ADAM22: variants seen among roughly 807,000 people sequenced by gnomAD.
ADAM22 encodes disintegrin and metalloproteinase domain-containing protein 22.
In ADAM22, 65 loss-of-function variants were observed where a neutral mutation model predicts 144.6. The ratio of observed to expected loss-of-function variants is 0.45; its 90% CI spans 0.37 to 0.55. ADAM22 has a LOEUF of 0.55. Ranked by LOEUF, ADAM22 falls within the 20% of genes least tolerant of loss-of-function variation. The probability of loss-of-function intolerance (pLI) is 0.00; values close to 1 mark genes in which losing one functional copy is unlikely to be tolerated. For missense variants in ADAM22, 974 were observed against 1,184.9 expected, an observed-to-expected ratio of 0.82 and a Z score of 2.61; for synonymous variants, 391 against 412.6, an observed-to-expected ratio of 0.95 and a Z score of 0.63.
intron 3 of ADAM22, among the ~76,000 whole-genome samples, chr7:88,015,270 T>C (rs1198057086): frequency 6.6e-6 from 1 of 152,208 alleles, no homozygotes; most frequent in Non-Finnish European, 1.5e-5. Flanking sequence ...TTAATAAATA[T>C]TAATTATGAA....
chr7:88,080,773 A>G (rs1816312961), intron 4 of ADAM22, among the ~76,000 whole-genome samples: 1 of 152,204 alleles, frequency 6.6e-6, no homozygotes, highest in South Asian at 2.1e-4. Context: ...TCCTTGACAC[A>G]TACACTCTCC....
At chr7:88,178,023 C>A (rs1846099130) in intron 26 of ADAM22, among the ~76,000 whole-genome samples, 1 of 152,044 alleles carries the variant, frequency 6.6e-6, no homozygotes, top group South Asian at 2.1e-4. Flanking sequence ...TGACAAATGA[C>A]CAGATTAGCT....
chr7:88,047,410 ATCTTT>A (rs1804959508), intron 3 of ADAM22, among the ~76,000 whole-genome samples: 1 of 152,132 alleles, frequency 6.6e-6, no homozygotes, highest in Non-Finnish European at 1.5e-5. Flanking sequence ...ATTCACCAAG[ATCTTT>A]TCTTTTCATG....
chr7:88,038,451 C>CTTTTTTTTTT (rs11344988), intron 3 of ADAM22, among the ~76,000 whole-genome samples: 1 of 139,628 alleles, frequency 7.2e-6, no homozygotes, highest in Non-Finnish European at 1.6e-5. Context: ...CTCTGCTATT[C>CTTTTTTTTTT]TTTTTTTTTT....
intron 3 of ADAM22, among the ~76,000 whole-genome samples, chr7:87,984,577 C>G (rs1854489184): frequency 6.6e-6 from 1 of 152,194 alleles, no homozygotes; most frequent in African/African-American, 2.4e-5. Flanking sequence ...CCATATTTAT[C>G]TATGTGTGCT....
chr7:87,935,257 G>T, intron 2 of ADAM22, 71 bp downstream of exon 2: 1 of 1,455,702 alleles, frequency 6.9e-7, no homozygotes, highest in Non-Finnish European at 9.1e-7. Context: ...ATTGCGCTCG[G>T]TTGCCCTGGA....
intron 4 of ADAM22, among the ~76,000 whole-genome samples, chr7:88,107,099 T>G (rs1158183926): frequency 6.6e-6 from 1 of 151,850 alleles, no homozygotes; most frequent in Non-Finnish European, 1.5e-5. Flanking sequence ...AAGCATTTCC[T>G]CCATCAATAT....
intron 26 of ADAM22, among the ~76,000 whole-genome samples, chr7:88,176,163 T>C (rs903251096): frequency 2.6e-5 from 4 of 152,026 alleles, no homozygotes; most frequent in African/African-American, 9.7e-5. Flanking sequence ...TTAGTAGAGA[T>C]GGGGTTTCAC....
At chr7:88,136,881 G>A (rs1403462506) in intron 14 of ADAM22, among the ~76,000 whole-genome samples, 3 of 151,870 alleles carry the variant, frequency 2.0e-5, no homozygotes, top group Non-Finnish European at 2.9e-5. Context: ...TTTAAACTAG[G>A]ACAATAATGA....
chr7:88,015,338 ATAAT>A (rs1290044608), intron 3 of ADAM22, among the ~76,000 whole-genome samples: 3 of 152,216 alleles, frequency 2.0e-5, no homozygotes, highest in Non-Finnish European at 4.4e-5. Context: ...AAATGCTTAA[ATAAT>A]TACCCCACTT....
chr7:88,106,490 T>C (rs1824423582), intron 4 of ADAM22, among the ~76,000 whole-genome samples: 2 of 152,200 alleles, frequency 1.3e-5, no homozygotes. Context: ...CCTCCATTTG[T>C]GAAACACTGA....
chr7:87,960,314 C>T (rs985659485), intron 2 of ADAM22, among the ~76,000 whole-genome samples: 2 of 151,840 alleles, frequency 1.3e-5, no homozygotes, highest in African/African-American at 4.8e-5. Context: ...TGAAAGTATT[C>T]AGTGTTCAGG....
intron 3 of ADAM22, among the ~76,000 whole-genome samples, chr7:88,005,387 G>A (rs1793563417): frequency 6.6e-6 from 1 of 152,192 alleles, no homozygotes; most frequent in Non-Finnish European, 1.5e-5. Flanking sequence ...GGTTCCTATG[G>A]AGTAGGCAGA....
Position 88,196,643 on chromosome 7 carries a change from C to A in ADAM22, c.*152C>A, listed in dbSNP as rs78743901. 1.9e-3 allele frequency: 1,447 copies of A among 772,050 alleles called. 20 individuals carry two copies. The African/African-American group carries it at 0.022, about 12-fold the overall frequency. The allele number at this position is 772,050 out of a possible 1,614,324, so 47.8% of individuals were successfully genotyped here. ...GAGGAGAGGAAGCGGAGTTTCACAT[C>A]TGGTTACCATTTTCTTTTTGTCATT... On this transcript the variant is annotated 3_prime_UTR_variant, in exon 32 of 32. Coordinates refer to ENST00000413139, the MANE Select transcript of ADAM22 (RefSeq NM_001324418.2).
intron 23 of ADAM22, among the ~76,000 whole-genome samples, chr7:88,164,202 G>A (rs114964361): frequency 0.012 from 1,871 of 152,094 alleles, 40 homozygotes; most frequent in African/African-American, 0.043. Flanking sequence ...AAGAATAATG[G>A]AATTTTTCTT....
At chr7:88,043,674 A>G (rs189582454) in intron 3 of ADAM22, among the ~76,000 whole-genome samples, 60 of 152,166 alleles carry the variant, frequency 3.9e-4, no homozygotes, top group African/African-American at 1.3e-3. Context: ...GCCCTCCAAC[A>G]TGGGCAAGCC....
At chr7:88,098,643 C>G (rs1374775459) in intron 4 of ADAM22, among the ~76,000 whole-genome samples, 2 of 152,114 alleles carry the variant, frequency 1.3e-5, no homozygotes, top group South Asian at 2.1e-4. Flanking sequence ...TGTTCACCAT[C>G]TTTTAATAAG....
chr7:88,088,772 T>A (rs561091070), intron 4 of ADAM22, among the ~76,000 whole-genome samples: 1 of 152,310 alleles, frequency 6.6e-6, no homozygotes, highest in African/African-American at 2.4e-5. Context: ...AGAAATAATG[T>A]TTCTTAAGAT....
At chr7:88,166,021 G>A in intron 24 of ADAM22, 75 bp downstream of exon 24, 1 of 1,030,942 alleles carries the variant, frequency 9.7e-7, no homozygotes, top group East Asian at 2.7e-5. Flanking sequence ...ACTTTTATTT[G>A]AGTTATTTTT....
Sources: allele counts gnomAD v4.1 joint callset (sites outside exome capture counted in the v4.1 genomes callset), GRCh38; gene constraint gnomAD v4.1.1; transcripts MANE v1.5; gene names NCBI Gene and HGNC (gene_info 2026-07-23, HGNC 2026-07-21).